Variants in ADK observed in about 807,000 individuals in gnomAD.
ADK encodes N6,N6-dimethyladenosine kinase.
ADK carries 24 observed loss-of-function variants against 44.7 expected under a neutral mutation model. The ratio of observed to expected loss-of-function variants is 0.54; its 90% confidence interval spans 0.39 to 0.76. The LOEUF (loss-of-function observed/expected upper bound fraction) is 0.76. Ranked by LOEUF, ADK falls within the 30% of genes least tolerant of loss-of-function variation. The pLI is 0.00. For missense variants in ADK, 321 were observed against 425.1 expected, an observed-to-expected ratio of 0.76 and a Z score of 2.15; for synonymous variants, 128 against 142.6, an observed-to-expected ratio of 0.90 and a Z score of 0.73.
chr10:74,554,726 C>T (rs1425034196), intron 7 of ADK, among the ~76,000 whole-genome samples: 2 of 151,308 alleles, frequency 1.3e-5, no homozygotes, highest in Non-Finnish European at 2.9e-5. Context: ...AGATGGATCG[C>T]TTGAGCTCAG....
chr10:74,517,717 T>C (rs576310916), intron 6 of ADK, among the ~76,000 whole-genome samples: 1 of 150,978 alleles, frequency 6.6e-6, no homozygotes, highest in Non-Finnish European at 1.5e-5. Flanking sequence ...GTAAAAGATA[T>C]GCAGACTATG....
intron 6 of ADK, among the ~76,000 whole-genome samples, chr10:74,500,624 A>G (rs990192217): frequency 6.6e-6 from 1 of 152,246 alleles, no homozygotes; most frequent in Non-Finnish European, 1.5e-5. Flanking sequence ...TAAAAATTAC[A>G]TCAAATCATA....
chr10:74,543,032 C>T (rs1849697307), intron 7 of ADK, among the ~76,000 whole-genome samples: 1 of 151,910 alleles, frequency 6.6e-6, no homozygotes, highest in Non-Finnish European at 1.5e-5. Flanking sequence ...TCCCAAGTAG[C>T]TGGGACTACA....
chr10:74,559,696 G>A (rs1850385597), intron 7 of ADK, among the ~76,000 whole-genome samples: 1 of 152,032 alleles, frequency 6.6e-6, no homozygotes, highest in Non-Finnish European at 1.5e-5. Context: ...ATTTAAAATG[G>A]TATTTTATTG....
chr10:74,185,491 T>C (rs572613267), intron 1 of ADK, among the ~76,000 whole-genome samples: 2 of 151,300 alleles, frequency 1.3e-5, no homozygotes, highest in African/African-American at 4.8e-5. Context: ...CCCTAGTCTG[T>C]TCACTTTAAA....
intron 3 of ADK, among the ~76,000 whole-genome samples, chr10:74,226,156 G>A (rs1053929671): frequency 1.3e-5 from 2 of 151,808 alleles, no homozygotes; most frequent in African/African-American, 4.8e-5. Context: ...CACCTAGGCT[G>A]GAGTGTGGTG....
At chr10:74,221,197 A>G (rs1452264316) in intron 2 of ADK, among the ~76,000 whole-genome samples, 1 of 151,840 alleles carries the variant, frequency 6.6e-6, no homozygotes, top group African/African-American at 2.4e-5. Flanking sequence ...TCAATGTACA[A>G]AAATCACAAG....
At chr10:74,485,744 A>G (rs1229234561) in intron 6 of ADK, among the ~76,000 whole-genome samples, 1 of 152,180 alleles carries the variant, frequency 6.6e-6, no homozygotes, top group Non-Finnish European at 1.5e-5. Flanking sequence ...CAAGGCCTCT[A>G]CCAAGAACAC....
chr10:74,287,522 C>T lies in ADK; in HGVS notation c.195-27145C>T, dbSNP rs185542552. On this transcript the variant is annotated intron_variant, in intron 3 of 10. Coordinates refer to ENST00000539909, the MANE Select transcript of ADK (RefSeq NM_006721.4). ...TAGACTTAGGATTTAAGGAAATCTA[C>T]GTTAATGGACTGGCCAGAAAAACAA... Among the ~76,000 whole-genome samples, 79 of 151,206 alleles carry T rather than the reference C, an allele frequency of 5.2e-4. No individual in the cohort carries two copies. The East Asian group carries it at 0.013, about 25-fold the overall frequency.
intron 4 of ADK, among the ~76,000 whole-genome samples, chr10:74,327,075 G>C (rs1299540534): frequency 6.6e-6 from 1 of 151,468 alleles, no homozygotes; most frequent in Non-Finnish European, 1.5e-5. Flanking sequence ...TGCTAATTTG[G>C]AGTTTGGCTT....
intron 4 of ADK, among the ~76,000 whole-genome samples, chr10:74,338,930 T>C (rs1274766921): frequency 6.6e-6 from 1 of 152,182 alleles, no homozygotes; most frequent in Non-Finnish European, 1.5e-5. Flanking sequence ...ATGCATGTAA[T>C]GTCTACTTTG....
intron 3 of ADK, among the ~76,000 whole-genome samples, chr10:74,271,406 G>T (rs1381152880): frequency 6.6e-6 from 1 of 151,762 alleles, no homozygotes; most frequent in South Asian, 2.1e-4. Context: ...TGTTGTTGTT[G>T]TTGTTTTTTC....
At chr10:74,600,995 T>G (rs2133965286) in intron 9 of ADK, among the ~76,000 whole-genome samples, 1 of 152,006 alleles carries the variant, frequency 6.6e-6, no homozygotes, top group African/African-American at 2.4e-5. Context: ...ATTAATAGTG[T>G]TAATATGGAG....
chr10:74,591,540 A>G (rs374378489), intron 8 of ADK, among the ~76,000 whole-genome samples: 1 of 152,176 alleles, frequency 6.6e-6, no homozygotes, highest in Non-Finnish European at 1.5e-5. Context: ...GAGAAATTCA[A>G]TGATTTTATA....
intron 2 of ADK, among the ~76,000 whole-genome samples, chr10:74,210,964 A>C (rs1286171573): frequency 4.6e-5 from 7 of 152,076 alleles, no homozygotes; most frequent in Non-Finnish European, 1.0e-4. Flanking sequence ...AGCTCACTGC[A>C]ACCTCTGCCT....
At chr10:74,606,680 G>C (rs187156053) in intron 9 of ADK, among the ~76,000 whole-genome samples, 2 of 152,274 alleles carry the variant, frequency 1.3e-5, no homozygotes, top group South Asian at 2.1e-4. Context: ...TAGAATAAGC[G>C]TGATGTGGTG....
chr10:74,201,684 CTATCTATCT>C (rs1564589429), intron 2 of ADK, among the ~76,000 whole-genome samples: 7 of 51,852 alleles, frequency 1.4e-4, no homozygotes, highest in African/African-American at 2.3e-4. Flanking sequence ...ATGTATCTAT[CTATCTATCT>C]ATCTATCTAT....
intron 1 of ADK, among the ~76,000 whole-genome samples, chr10:74,195,692 C>T (rs4746183): frequency 1.5e-4 from 17 of 115,248 alleles, no homozygotes; most frequent in African/African-American, 2.9e-4. Context: ...TTCTTTCTTT[C>T]TTTTTCTTTT....
chr10:74,618,567 G>A (rs982843978), intron 9 of ADK, among the ~76,000 whole-genome samples: 1 of 152,176 alleles, frequency 6.6e-6, no homozygotes, highest in African/African-American at 2.4e-5. Context: ...GGGATTACAG[G>A]AGTGAGCCAT....
Sources: gnomAD v4.1 joint callset for allele counts (sites outside exome capture counted in the v4.1 genomes callset) on GRCh38, gnomAD v4.1.1 for gene constraint, MANE v1.5 for transcripts, NCBI Gene and HGNC (gene_info 2026-07-23, HGNC 2026-07-21) for gene names.